The following OR2M2 variants were observed in gnomAD, a reference collection of about 807,000 sequenced individuals.
OR2M2 encodes olfactory receptor family 2 subfamily M member 2, also known as olfactory receptor 2M2.
For missense variants in OR2M2, 467 were observed against 429.9 expected, an observed-to-expected ratio of 1.09 and a Z score of -0.76; for synonymous variants, 168 against 151.7, an observed-to-expected ratio of 1.11 and a Z score of -0.79.
At chr1:248,177,971 C>G (rs1665873975) in intron 1 of OR2M2, 1 of 152,100 alleles carries the variant, frequency 6.6e-6, no homozygotes, top group African/African-American at 2.4e-5. Context: ...TCTCTACCTT[C>G]CCAGCACTGA....
chr1:248,177,391 A>G (rs760451578), intron 1 of OR2M2, among the ~76,000 whole-genome samples: 1 of 152,148 alleles, frequency 6.6e-6, no homozygotes, highest in Non-Finnish European at 1.5e-5. Context: ...TTAAAAAGAT[A>G]TATAGGTATA....
In OR2M2 at chr1:248,180,100, T is replaced by G; in HGVS notation, c.115T>G (p.Phe39Val). The G allele has an allele frequency of 6.2e-7, 1 of 1,614,100 alleles. No homozygotes were observed. Reference protein sequence around the residue: ...FLVLGIFLVAFMGNSVMVLLI... With the variant: ...FLVLGIFLVAVMGNSVMVLLI... The stretch of plus-strand genomic sequence containing the variant: ...GGTCCTGGGCATCTTTTTAGTGGCC[T>G]TCATGGGAAACTCTGTCATGGTTCT... Residue 39 changes from phenylalanine (F) to valine (V), a missense_variant, in exon 2 of 2, where the codon TTC becomes GTC. Coordinates refer to ENST00000641836, the MANE Select transcript of OR2M2 (RefSeq NM_001004688.2).
At chr1:248,178,830 T>C (rs1273303052) in intron 1 of OR2M2, among the ~76,000 whole-genome samples, 1 of 152,240 alleles carries the variant, frequency 6.6e-6, no homozygotes, top group East Asian at 1.9e-4. Context: ...GCCACAGTGG[T>C]CAACATATAG....
Position 248,180,535 on chromosome 1 carries a change from C to G in OR2M2, c.550C>G (p.Leu184Val), listed in dbSNP as rs1471061020. 5 of 1,613,900 alleles carry G rather than the reference C, an allele frequency of 3.1e-6. No individual in the cohort carries two copies. In the South Asian group the frequency reaches 4.4e-5, roughly 14 times the overall value. The stretch of plus-strand genomic sequence containing the variant: ...CCACTTCTTCTGTGAATTCCCTTCC[C>G]TACTAATCCTCTCATGCAATGACAC... ...IAHFFCEFPS[L>V]LILSCNDTSI... The change falls in exon 2 of 2, where the codon CTA becomes GTA. Residue 184 changes from leucine to valine, a missense_variant. Physicochemically the swap from Leu to Val is conservative, Grantham distance 32. Coordinates refer to ENST00000641836, the MANE Select transcript of OR2M2 (RefSeq NM_001004688.2).
At chr1:248,178,060 T>G (rs1049852212) in intron 1 of OR2M2, 8 of 152,078 alleles carry the variant, frequency 5.3e-5, no homozygotes, top group African/African-American at 1.9e-4. Context: ...TTTGAGAGGT[T>G]TTTTCTTTCT....
At position 248,179,950 on chromosome 1, in the gene OR2M2, A is replaced by T; in HGVS notation, c.-18-18A>T. The T allele has an allele frequency of 6.4e-7, 1 of 1,565,722 alleles. No individual in the cohort carries two copies. Among genetic ancestry groups the T allele is most frequent in the Non-Finnish European group, 8.7e-7 (1 of 1,155,860 alleles). ...GGTAAATGTTTACCAAATTAATAAG[A>T]TGGTTTTGTGGTACTAGGTAAAAAG... On this transcript the variant is annotated intron_variant, in intron 1 of 1. Transcript: ENST00000641836.
chr1:248,180,204 C>T lies in OR2M2; in HGVS notation c.219C>T (p.Leu73=), dbSNP rs1287265429. Residue 73 remains leucine (L), a synonymous_variant, in exon 2 of 2, where the codon CTC becomes CTT. Coordinates refer to ENST00000641836, the MANE Select transcript of OR2M2 (RefSeq NM_001004688.2). ...AACTGTCCCTCATGGACCTCATGCT[C>T]ATCTGCACCACCGTACCCAAGATGG... The part of the protein sequence containing the change: ...LSQLSLMDLM[L]ICTTVPKMAF... 6.2e-7 allele frequency: 1 copy of T among 1,614,138 alleles called. No individual in the cohort carries two copies. Among genetic ancestry groups the T allele is most frequent in the Non-Finnish European group, 8.5e-7 (1 of 1,180,032 alleles).
chr1:248,180,734 T>G lies in OR2M2; in HGVS notation c.749T>G (p.Met250Arg), dbSNP rs749069170. Residue 250 changes from methionine to arginine, a missense_variant, in exon 2 of 2, where the codon ATG (methionine) becomes AGG (arginine). Physicochemically the swap from Met to Arg is moderately conservative, Grantham distance 91. Transcript: ENST00000641836. ...TCCTCTCACCTCATGGTGGTGGGAA[T>G]GTACTATGGAGCAGCTTTGTTCATG... The part of the protein sequence containing the change: ...TCSSHLMVVG[M>R]YYGAALFMYI... The G allele has an allele frequency of 1.9e-6, 3 of 1,613,666 alleles. No homozygotes were observed. Among genetic ancestry groups the G allele is most frequent in the Non-Finnish European group, 2.5e-6 (3 of 1,179,856 alleles).
chr1:248,180,241 C>A lies in OR2M2; in HGVS notation c.256C>A (p.Leu86Met), dbSNP rs9435919. 1 of 1,613,728 alleles carries A rather than the reference C, an allele frequency of 6.2e-7. No individual in the cohort carries two copies. The highest frequency in any genetic ancestry group is 1.3e-5 in the African/African-American group (1 of 74,770). The change falls in exon 2 of 2, where the codon CTG (leucine) becomes ATG (methionine). Residue 86 changes from leucine (L) to methionine (M), a missense_variant. Physicochemically the swap from Leu to Met is conservative, Grantham distance 15. Transcript: ENST00000641836. ...CGTACCCAAGATGGCCTTCAACTAC[C>A]TGTCTGGCAGCAAGTCCATTTCTAT... is the stretch of plus-strand genomic sequence containing the variant. Reference protein sequence around the residue: ...TTVPKMAFNYLSGSKSISMAG... With the variant: ...TTVPKMAFNYMSGSKSISMAG...
In OR2M2 at chr1:248,180,576, G is replaced by C. The variant is rs1665918943; in HGVS notation, c.591G>C (p.Glu197Asp). 6.2e-7 allele frequency: 1 copy of C among 1,613,538 alleles called. No individual in the cohort carries two copies. Among genetic ancestry groups the C allele is most frequent in the Admixed American group, 1.7e-5 (1 of 59,982 alleles). Residue 197 changes from glutamate to aspartate, a missense_variant, in exon 2 of 2, where the codon GAG (glutamate) becomes GAC (aspartate). Glu to Asp is a conservative substitution (Grantham distance 45, BLOSUM62 2). Coordinates refer to ENST00000641836, the MANE Select transcript of OR2M2 (RefSeq NM_001004688.2). ...LSCNDTSIFE[E>D]VIFICCIVML... Reference sequence around the variant, plus strand: ...GCAATGACACATCAATATTTGAAGAGGTTATTTTCATCTGCTGTATAGTAA... The same window carrying C: ...GCAATGACACATCAATATTTGAAGACGTTATTTTCATCTGCTGTATAGTAA...
chr1:248,179,931 T>C (rs1665904985), intron 1 of OR2M2, 37 bp from the exon 2 acceptor site: 1 of 1,547,682 alleles, frequency 6.5e-7, no homozygotes, highest in African/African-American at 1.4e-5. Context: ...ACTGGGTAAA[T>C]GTTTACCAAA....
chr1:248,180,599 T>C lies in OR2M2; in HGVS notation c.614T>C (p.Val205Ala). Reference sequence around the variant, plus strand: ...GAGGTTATTTTCATCTGCTGTATAGTAATGCTTGTTTTCCCTGTTGCAATC... The same window carrying C: ...GAGGTTATTTTCATCTGCTGTATAGCAATGCTTGTTTTCCCTGTTGCAATC... ...FEEVIFICCI[V>A]MLVFPVAIII... Residue 205 changes from valine to alanine, a missense_variant, in exon 2 of 2, where the codon GTA (valine) becomes GCA (alanine). Transcript: ENST00000641836. 6.2e-7 allele frequency: 1 copy of C among 1,613,196 alleles called. No homozygotes were observed. The highest frequency in any genetic ancestry group is 1.1e-5 in the South Asian group (1 of 91,036).
Position 248,180,776 on chromosome 1 carries a change from C to G in OR2M2, c.791C>G (p.Ser264Cys). The G allele has an allele frequency of 6.2e-7, 1 of 1,613,890 alleles. No individual in the cohort carries two copies. The highest frequency in any genetic ancestry group is 8.5e-7 in the Non-Finnish European group (1 of 1,179,858). ...AALFMYIRPT[S>C]DHSPTQDKMV... ...TTGTTCATGTACATACGGCCCACATCTGATCACTCCCCAACGCAGGACAAG... is the reference window on the plus strand; with the variant it reads ...TTGTTCATGTACATACGGCCCACATGTGATCACTCCCCAACGCAGGACAAG... The change falls in exon 2 of 2, where the codon TCT (serine) becomes TGT (cysteine). Residue 264 changes from serine to cysteine, a missense_variant. Coordinates refer to ENST00000641836, the MANE Select transcript of OR2M2 (RefSeq NM_001004688.2).
chr1:248,178,345 G>T (rs139849429), intron 1 of OR2M2, among the ~76,000 whole-genome samples: 2 of 151,444 alleles, frequency 1.3e-5, no homozygotes, highest in African/African-American at 4.8e-5. Context: ...TTCTGTTTAT[G>T]ACCTCATTTT....
In OR2M2 at chr1:248,180,643, C is replaced by T. The variant is rs4244171; in HGVS notation, c.658C>T (p.Arg220Ter). ...PVAIIIASYARVILAVIHMGS... is the reference protein window; with the variant it reads ...PVAIIIASYA The stretch of plus-strand genomic sequence containing the variant: ...TGCAATCATCATTGCTTCCTATGCT[C>T]GAGTTATTCTGGCTGTCATTCACAT... Residue 220 changes from arginine (R) to a stop codon, truncating the protein, a stop_gained, in exon 2 of 2, where the codon CGA (arginine) becomes TGA (stop). Transcript: ENST00000641836. LOFTEE classifies it low-confidence loss of function (END_TRUNC). 3.8e-5 allele frequency: 62 copies of T among 1,612,034 alleles called. No homozygotes were observed. The South Asian group carries it at 6.4e-4, about 17-fold the overall frequency.
Position 248,180,792 on chromosome 1 carries a change from G to A in OR2M2, c.807G>A (p.Thr269=), listed in dbSNP as rs140026971. 284 of 1,613,794 alleles carry A rather than the reference G, an allele frequency of 1.8e-4. 3 individuals are homozygous for A. Among genetic ancestry groups the A allele is most frequent in the African/African-American group, 3.5e-4 (26 of 74,966 alleles). The change falls in exon 2 of 2, where the codon ACG becomes ACA. Residue 269 remains threonine (T), a synonymous_variant. Coordinates refer to ENST00000641836, the MANE Select transcript of OR2M2 (RefSeq NM_001004688.2). ...GGCCCACATCTGATCACTCCCCAAC[G>A]CAGGACAAGATGGTGTCTGTATTCT... is the stretch of plus-strand genomic sequence containing the variant. ...YIRPTSDHSP[T]QDKMVSVFYT...
chr1:248,175,512 T>A (rs958388129), intron 1 of OR2M2, among the ~76,000 whole-genome samples: 1 of 152,140 alleles, frequency 6.6e-6, no homozygotes, highest in Admixed American at 6.6e-5. Context: ...ATTATCTACA[T>A]GCAGATATTC....
In OR2M2 at chr1:248,181,060, C is replaced by T. The variant is rs1337007470; in HGVS notation, c.*31C>T. ...TTATGGGCACCTATACAATTTATTT[C>T]AGGTAAACCATTTTATATATTTATT... On this transcript the variant is annotated 3_prime_UTR_variant, in exon 2 of 2. Coordinates refer to ENST00000641836, the MANE Select transcript of OR2M2 (RefSeq NM_001004688.2). 14 of 1,367,524 alleles carry T rather than the reference C, an allele frequency of 1.0e-5. No homozygotes were observed. Among genetic ancestry groups the T allele is most frequent in the Non-Finnish European group, 1.3e-5 (13 of 992,708 alleles). The allele number at this position is 1,367,524 out of a possible 1,614,324, so 84.7% of individuals were successfully genotyped here.
intron 1 of OR2M2, among the ~76,000 whole-genome samples, chr1:248,175,612 C>G (rs1665849529): frequency 6.6e-6 from 1 of 152,070 alleles, no homozygotes. Flanking sequence ...GATTGCTTTA[C>G]ATTTGTCATG....
Sources: allele counts gnomAD v4.1 joint callset (sites outside exome capture counted in the v4.1 genomes callset), GRCh38; gene constraint gnomAD v4.1.1; transcripts MANE v1.5; gene names NCBI Gene and HGNC (gene_info 2026-07-23, HGNC 2026-07-21).